DACT1: variants seen among roughly 807,000 people sequenced by gnomAD.
The protein encoded by DACT1 is dishevelled binding antagonist of beta catenin 1.
In DACT1, 19 loss-of-function variants were observed where a neutral mutation model predicts 35.3. The observed-to-expected ratio is 0.54, with a 90% CI of 0.38 to 0.79. The LOEUF (loss-of-function observed/expected upper bound fraction) is 0.79. Among genes scored for constraint, DACT1 ranks in the 30% least tolerant of loss-of-function variants. The pLI, the probability that DACT1 is intolerant of heterozygous loss-of-function variation, is 0.00. For missense variants in DACT1, 1,143 were observed against 1,057.5 expected, an observed-to-expected ratio of 1.08 and a Z score of -1.12; for synonymous variants, 545 against 466.7, an observed-to-expected ratio of 1.17 and a Z score of -2.16.
chr14:58,638,283 C>T lies in DACT1; in HGVS notation c.81C>T (p.Pro27=), dbSNP rs749370070. 6.7e-6 allele frequency: 9 copies of T among 1,351,612 alleles called. No individual in the cohort carries two copies. The South Asian group carries it at 1.6e-4, about 24-fold the overall frequency. 83.7% of individuals were successfully genotyped at this position (1,351,612 alleles called of 1,614,324 possible). ...GAGGCGAGCAGCGCACGGCGGAGCCCGAGGGGCGCTGGCGGGAGAAGGGCG... is the reference window on the plus strand; with the variant it reads ...GAGGCGAGCAGCGCACGGCGGAGCCTGAGGGGCGCTGGCGGGAGAAGGGCG... ...PARGEQRTAE[P]EGRWREKGEA... The change falls in exon 1 of 4, where the codon CCC becomes CCT. Residue 27 remains proline (P), a synonymous_variant. Transcript: ENST00000395153.
chr14:58,638,997 G>A, intron 1 of DACT1: 1 of 985,990 alleles, frequency 1.0e-6, no homozygotes. Context: ...GGGGGTTTGT[G>A]GCGTGCTTAA....
At chr14:58,645,289 C>T (rs981174472) in intron 3 of DACT1, 80 bp from the exon 4 acceptor site, 1 of 1,614,078 alleles carries the variant, frequency 6.2e-7, no homozygotes. Context: ...ATAAAGAAGG[C>T]CACTGTGAAG....
Position 58,638,327 on chromosome 14 carries a change from A to G in DACT1, c.125A>G (p.Gln42Arg), listed in dbSNP as rs757623677. 3.5e-5 allele frequency: 46 copies of G among 1,319,892 alleles called. 1 individual carries two copies. The South Asian group carries it at 9.5e-4, about 27-fold the overall frequency. The allele number at this position is 1,319,892 out of a possible 1,614,324, so 81.8% of individuals were successfully genotyped here. A position where few individuals can be genotyped will look rare whatever the true frequency, so the allele number is the denominator to read the frequency against. ...REKGEADTER[Q>R]RTRERQEATL... Reference sequence around the variant, plus strand: ...AAGGGCGAGGCAGACACCGAGCGGCAGCGCACCCGGGAGCGGCAGGAGGCC... The same window carrying G: ...AAGGGCGAGGCAGACACCGAGCGGCGGCGCACCCGGGAGCGGCAGGAGGCC... The change falls in exon 1 of 4, where the codon CAG (glutamine) becomes CGG (arginine). Residue 42 changes from glutamine (Q) to arginine (R), a missense_variant. Coordinates refer to ENST00000395153, the MANE Select transcript of DACT1 (RefSeq NM_001079520.2).
rs562920966 is a variant in DACT1 at position 58,645,694 on chromosome 14, A to T, written c.960A>T (p.Lys320Asn). Residue 320 changes from lysine (K) to asparagine (N), a missense_variant, in exon 4 of 4, where the codon AAA becomes AAT. Around this residue, in one of 3 missense-constraint regions of DACT1, gnomAD observed 1,054 missense variants for 958.8 expected, o/e 1.10. Transcript: ENST00000395153. ...QKKTHPVRTN[K>N]PRTSVNADPT... ...AAACACACCCTGTAAGGACCAACAA[A>T]CCAAGAACCAGCGTGAACGCTGACC... The T allele has an allele frequency of 1.2e-6, 2 of 1,614,168 alleles. No individual in the cohort carries two copies. The highest frequency in any genetic ancestry group is 2.2e-5 in the South Asian group (2 of 91,066).
In DACT1 at chr14:58,645,861, T is replaced by C. The variant is rs2047671502; in HGVS notation, c.1127T>C (p.Phe376Ser). ...ATACCTTCTCTGAACAATGGGACAT[T>C]CTCCCCACCGAAGCAGTGGTCGAAA... ...GGIPSLNNGT[F>S]SPPKQWSKES... Residue 376 changes from phenylalanine to serine, a missense_variant, in exon 4 of 4, where the codon TTC becomes TCC. This residue lies in a region of DACT1 where 1,054 missense variants were observed against 958.8 expected (regional missense o/e 1.10). Coordinates refer to ENST00000395153, the MANE Select transcript of DACT1 (RefSeq NM_001079520.2). 6 of 1,613,966 alleles carry C rather than the reference T, an allele frequency of 3.7e-6. No homozygotes were observed. In the Admixed American group the frequency reaches 6.7e-5, roughly 18 times the overall value.
chr14:58,639,263 G>A (rs780443973), intron 1 of DACT1: 19 of 985,268 alleles, frequency 1.9e-5, no homozygotes, highest in Non-Finnish European at 2.0e-5. Flanking sequence ...CCTGCTCTCG[G>A]TAAGCATTTA....
chr14:58,646,044 C>A lies in DACT1; in HGVS notation c.1310C>A (p.Ser437Tyr), dbSNP rs772150847. The A allele has an allele frequency of 5.0e-6, 8 of 1,613,946 alleles. No individual in the cohort carries two copies. The highest frequency in any genetic ancestry group is 5.9e-6 in the Non-Finnish European group (7 of 1,179,998). ...TGTTCCGCCATTGGGACAGGGGAGT[C>A]CCCTAAGGAAAGCGCTCAGCTCTCA... ...ARCSAIGTGE[S>Y]PKESAQLSGA... The change falls in exon 4 of 4, where the codon TCC (serine) becomes TAC (tyrosine). Residue 437 changes from serine (S) to tyrosine (Y), a missense_variant. Transcript: ENST00000395153.
At chr14:58,642,333 A>G (rs917355333) in intron 3 of DACT1, among the ~76,000 whole-genome samples, 3 of 152,114 alleles carry the variant, frequency 2.0e-5, no homozygotes, top group African/African-American at 7.2e-5. Flanking sequence ...CTAAAAATAC[A>G]AAAATTAGCC....
rs1034659473 is a variant in DACT1, at chr14:58,640,594, G to C, written c.346-142G>C. On this transcript the variant is annotated intron_variant, in intron 1 of 3. Coordinates refer to ENST00000395153, the MANE Select transcript of DACT1 (RefSeq NM_001079520.2). Reference sequence around the variant, plus strand: ...TATTCTTGAATTCTCGAAGTTTTTCGTTACTTCAGGTCATCCAGTAAAATT... The same window carrying C: ...TATTCTTGAATTCTCGAAGTTTTTCCTTACTTCAGGTCATCCAGTAAAATT... The C allele has an allele frequency of 6.9e-6, 6 of 870,254 alleles. No homozygotes were observed. In the African/African-American group the frequency reaches 1.0e-4, roughly 15 times the overall value. 53.9% of individuals were successfully genotyped at this position (870,254 alleles called of 1,614,324 possible). A position where few individuals can be genotyped will look rare whatever the true frequency, so the allele number is the denominator to read the frequency against.
In DACT1 at chr14:58,638,063, G is replaced by A. The variant is rs2047589550; in HGVS notation, c.-140G>A. On this transcript the variant is annotated 5_prime_UTR_variant, in exon 1 of 4. Coordinates refer to ENST00000395153, the MANE Select transcript of DACT1 (RefSeq NM_001079520.2). The stretch of plus-strand genomic sequence containing the variant: ...CGGCGGTCGCGCGCAGGACTCGAGG[G>A]CTTCTAGCCACCGTCCCCGCCAGCG... The A allele has an allele frequency of 9.8e-6, 9 of 914,238 alleles. No individual in the cohort carries two copies. In the South Asian group the frequency reaches 3.9e-4, roughly 40 times the overall value. 56.6% of individuals were successfully genotyped at this position (914,238 alleles called of 1,614,324 possible).
In DACT1 at chr14:58,646,250, G is replaced by A. The variant is rs1031608771; in HGVS notation, c.1516G>A (p.Glu506Lys). The change falls in exon 4 of 4, where the codon GAG becomes AAG. Residue 506 changes from glutamate to lysine, a missense_variant. Physicochemically the swap from Glu to Lys is moderately conservative, Grantham distance 56. Coordinates refer to ENST00000395153, the MANE Select transcript of DACT1 (RefSeq NM_001079520.2). ...EERPALDFKS[E>K]GSSQSLEEAH... The stretch of plus-strand genomic sequence containing the variant: ...GAGGCCTGCCTTGGATTTCAAGAGC[G>A]AGGGCTCTTCCCAAAGCCTGGAGGA... 5 of 1,613,964 alleles carry A rather than the reference G, an allele frequency of 3.1e-6. No homozygotes were observed. Among genetic ancestry groups the A allele is most frequent in the South Asian group, 2.2e-5 (2 of 91,032 alleles).
In DACT1 at chr14:58,647,117, C is replaced by T. The variant is rs760782919; in HGVS notation, c.2383C>T (p.Leu795=). Residue 795 remains leucine, a synonymous_variant, in exon 4 of 4, where the codon CTG becomes TTG. Coordinates refer to ENST00000395153, the MANE Select transcript of DACT1 (RefSeq NM_001079520.2). Reference sequence around the variant, plus strand: ...CCGCTTTCGGTCTGGCTCTTTGAAACTGATGACGACGGTTTGAGTGACATC... The same window carrying T: ...CCGCTTTCGGTCTGGCTCTTTGAAATTGATGACGACGGTTTGAGTGACATC... The part of the protein sequence containing the change: ...ILRFRSGSLK[L]MTTV 52 of 1,614,010 alleles carry T rather than the reference C, an allele frequency of 3.2e-5. No individual in the cohort carries two copies. The highest frequency in any genetic ancestry group is 4.3e-5 in the Non-Finnish European group (51 of 1,180,010).
Position 58,647,036 on chromosome 14 carries a change from C to T in DACT1, c.2302C>T (p.Pro768Ser). 2 of 1,614,184 alleles carry T rather than the reference C, an allele frequency of 1.2e-6. No homozygotes were observed. Among genetic ancestry groups the T allele is most frequent in the Non-Finnish European group, 1.7e-6 (2 of 1,180,030 alleles). ...TVTAPDLHNHPAKTFVKIKAS... is the reference protein window; with the variant it reads ...TVTAPDLHNHSAKTFVKIKAS... ...AACGGCCCCAGACCTTCACAACCACCCCGCAAAAACCTTTGTCAAAATTAA... is the reference window on the plus strand; with the variant it reads ...AACGGCCCCAGACCTTCACAACCACTCCGCAAAAACCTTTGTCAAAATTAA... Residue 768 changes from proline to serine, a missense_variant, in exon 4 of 4, where the codon CCC becomes TCC. Physicochemically the swap from Pro to Ser is moderately conservative, Grantham distance 74. Transcript: ENST00000395153.
intron 1 of DACT1, 79 bp downstream of exon 1, chr14:58,638,626 G>T: frequency 7.9e-7 from 1 of 1,261,606 alleles, no homozygotes; most frequent in Non-Finnish European, 1.0e-6. Context: ...GGGCGGGCGC[G>T]AGGTTGACTC....
At chr14:58,645,199 G>C in intron 3 of DACT1, 170 bp from the exon 4 acceptor site, 4 of 1,402,368 alleles carry the variant, frequency 2.9e-6, no homozygotes, top group Non-Finnish European at 3.0e-6. Context: ...ATTGGCCAAA[G>C]AGTCAAGCTG....
chr14:58,640,877 T>C lies in DACT1; in HGVS notation c.478+9T>C, dbSNP rs150385273. 22 of 1,613,968 alleles carry C rather than the reference T, an allele frequency of 1.4e-5. No homozygotes were observed. In the Admixed American group the frequency reaches 1.5e-4, roughly 11 times the overall value. On this transcript the variant is annotated intron_variant, in intron 2 of 3. Coordinates refer to ENST00000395153, the MANE Select transcript of DACT1 (RefSeq NM_001079520.2). ...CAGTCGGCCTAGCTCAGGTGAGTGA[T>C]TGAGCACAAGGACAGAATTCTGCAC...
intron 3 of DACT1, among the ~76,000 whole-genome samples, chr14:58,643,913 CTTTTG>C (rs1027595096): frequency 9.9e-5 from 15 of 152,144 alleles, no homozygotes; most frequent in African/African-American, 3.4e-4. Context: ...GGACATGGCA[CTTTTG>C]TTTTATTATG....
chr14:58,646,854 A>G lies in DACT1; in HGVS notation c.2120A>G (p.Asp707Gly). Reference sequence around the variant, plus strand: ...TCCACCGTGGTGGACACCAGTGAGGACGAGCAGAGCAATTACACCACCAAC... The same window carrying G: ...TCCACCGTGGTGGACACCAGTGAGGGCGAGCAGAGCAATTACACCACCAAC... ...FHSTVVDTSEDEQSNYTTNCF... is the reference protein window; with the variant it reads ...FHSTVVDTSEGEQSNYTTNCF... The change falls in exon 4 of 4, where the codon GAC (aspartate) becomes GGC (glycine). Residue 707 changes from aspartate to glycine, a missense_variant. Asp to Gly is a moderately conservative substitution (Grantham distance 94). This residue lies in a region of DACT1 where 1,054 missense variants were observed against 958.8 expected (regional missense o/e 1.10). Coordinates refer to ENST00000395153, the MANE Select transcript of DACT1 (RefSeq NM_001079520.2). 1.9e-6 allele frequency: 3 copies of G among 1,614,218 alleles called. No homozygotes were observed. Among genetic ancestry groups the G allele is most frequent in the Non-Finnish European group, 2.5e-6 (3 of 1,180,028 alleles).
chr14:58,645,615 A>G lies in DACT1; in HGVS notation c.881A>G (p.His294Arg). ...PSPSSLWSAS[H>R]PSSSKKMDGY... Reference sequence around the variant, plus strand: ...CCAAGCAGTCTGTGGTCTGCTTCCCATCCTTCATCCAGCAAGAAAATGGAT... The same window carrying G: ...CCAAGCAGTCTGTGGTCTGCTTCCCGTCCTTCATCCAGCAAGAAAATGGAT... The change falls in exon 4 of 4, where the codon CAT becomes CGT. Residue 294 changes from histidine to arginine, a missense_variant. Physicochemically the swap from His to Arg is conservative, Grantham distance 29 (BLOSUM62 0). Transcript: ENST00000395153. The G allele has an allele frequency of 1.2e-6, 2 of 1,614,106 alleles. No homozygotes were observed. The highest frequency in any genetic ancestry group is 1.7e-6 in the Non-Finnish European group (2 of 1,180,016).
Sources: allele counts gnomAD v4.1 joint callset (sites outside exome capture counted in the v4.1 genomes callset), GRCh38; gene constraint gnomAD v4.1.1; regional missense constraint gnomAD v4.1.1; transcripts MANE v1.5; gene names NCBI Gene and HGNC (gene_info 2026-07-23, HGNC 2026-07-21).